The following XPNPEP2 variants were observed in gnomAD, a reference collection of about 807,000 sequenced individuals.
XPNPEP2 encodes the protein X-prolyl aminopeptidase 2.
A neutral mutation model predicts 59.8 loss-of-function variants in XPNPEP2; 64 were observed. The observed-to-expected ratio is 1.07, with a 90% confidence interval of 0.87 to 1.32. XPNPEP2 has a LOEUF of 1.32. Among genes scored for constraint, XPNPEP2 ranks in the 40% most tolerant of loss-of-function variants. XPNPEP2 has a pLI of 0.00. For missense variants in XPNPEP2, 575 were observed against 546.8 expected (o/e 1.05, Z -0.51); for synonymous variants, 235 against 210.0 (o/e 1.12, Z -1.03).
chrX:129,749,564 C>A (rs1381308115), intron 7 of XPNPEP2, among the ~76,000 whole-genome samples: 1 of 113,229 alleles, frequency 8.8e-6, no homozygotes, highest in Non-Finnish European at 1.9e-5. Context: ...ATATCTGAAC[C>A]CAACTAGGAC....
At chrX:129,759,801 G>A (rs948223820) in intron 15 of XPNPEP2, among the ~76,000 whole-genome samples, 1 of 112,561 alleles carries the variant, frequency 8.9e-6, no homozygotes, top group African/African-American at 3.2e-5. Context: ...ACAGTTTAGC[G>A]GCGGAGTCTG....
At chrX:129,764,703 C>A (rs1057288262) in intron 19 of XPNPEP2, among the ~76,000 whole-genome samples, 1 of 109,509 alleles carries the variant, frequency 9.1e-6, no homozygotes, top group Non-Finnish European at 1.9e-5. Context: ...GTGGCTCACA[C>A]CTGTAATCCC....
chrX:129,758,098 G>A (rs897349277), intron 14 of XPNPEP2, among the ~76,000 whole-genome samples: 1 of 111,143 alleles, frequency 9.0e-6, no homozygotes, highest in African/African-American at 3.3e-5. Context: ...TGGGACAAAA[G>A]AAGGGCCGTA....
chrX:129,751,562 GAAAGAAAGAAAGAAAGAAAGA>G (rs1926403031), intron 8 of XPNPEP2, among the ~76,000 whole-genome samples, 162 bp from the exon 9 acceptor site: 1 of 60,930 alleles, frequency 1.6e-5, no homozygotes, highest in African/African-American at 6.9e-5. Flanking sequence ...AAGAAAGAAA[GAAAGAAAGAAAGAAAGAAAGA>G]AAGAAAGAAA....
rs1412003873 is a variant in XPNPEP2, at chrX:129,769,170, C to T, written c.*685C>T. The T allele has an allele frequency of 8.9e-6, 1 of 112,441 alleles. No individual in the cohort carries two copies. Among genetic ancestry groups the T allele is most frequent in the Non-Finnish European group, 1.9e-5 (1 of 53,280 alleles). 9.3% of individuals were successfully genotyped at this position (112,441 alleles called of 1,213,427 possible). Reference sequence around the variant, plus strand: ...TAGACTTCCCTGGCATTCGAGGAGCCCTTTGAACTTTCCAAAGTGCAGCCA... The same window carrying T: ...TAGACTTCCCTGGCATTCGAGGAGCTCTTTGAACTTTCCAAAGTGCAGCCA... On this transcript the variant is annotated 3_prime_UTR_variant, in exon 21 of 21. Transcript: ENST00000371106.
chrX:129,741,912 G>A (rs1277809576), intron 1 of XPNPEP2, among the ~76,000 whole-genome samples, 196 bp from the exon 2 acceptor site: 1 of 112,312 alleles, frequency 8.9e-6, no homozygotes, highest in Non-Finnish European at 1.9e-5. Context: ...AGATTTCTTT[G>A]ATTGTGACCC....
intron 1 of XPNPEP2, among the ~76,000 whole-genome samples, chrX:129,740,522 G>C (rs760593916): frequency 6.3e-5 from 7 of 110,815 alleles, no homozygotes; most frequent in Admixed American, 2.8e-4. Context: ...AGTTCCTCAG[G>C]GGGGGCTGAG....
In XPNPEP2 at chrX:129,762,314, C is replaced by T. The variant is rs757071844; in HGVS notation, c.1663+249C>T. Reference sequence around the variant, plus strand: ...TCCCAGCTGTATATTCAGACGAGATCAGGTGCGTTCAGGGTGGTATGGCCG... The same window carrying T: ...TCCCAGCTGTATATTCAGACGAGATTAGGTGCGTTCAGGGTGGTATGGCCG... On this transcript the variant is annotated intron_variant, in intron 18 of 20. Transcript: ENST00000371106. Among the ~76,000 whole-genome samples, 50 of 111,841 alleles carry T rather than the reference C, an allele frequency of 4.5e-4. No individual in the cohort carries two copies. In the South Asian group the frequency reaches 0.019, roughly 43 times the overall value.
At position 129,751,737 on chromosome X, in the gene XPNPEP2, C is replaced by T. The variant is rs1926422413; in HGVS notation, c.740-8C>T. The T allele has an allele frequency of 8.3e-7, 1 of 1,204,748 alleles. No homozygotes were observed. The highest frequency in any genetic ancestry group is 1.1e-6 in the Non-Finnish European group (1 of 889,669). On this transcript the variant is annotated splice_polypyrimidine_tract_variant and splice_region_variant and intron_variant, in intron 8 of 20. Transcript: ENST00000371106. ...GCATTAAATATTCCTTGTCAATTCT[C>T]TTCCCAGGGCTCTTCAACCTTCGAG...
rs751478432 is a variant in XPNPEP2 at position 129,742,191 on chromosome X, C to T, written c.123+10C>T. The T allele has an allele frequency of 1.3e-5, 14 of 1,072,381 alleles. No homozygotes were observed. The highest frequency in any genetic ancestry group is 2.1e-5 in the African/African-American group (1 of 48,272). 88.4% of individuals were successfully genotyped at this position (1,072,381 alleles called of 1,213,427 possible). ...TTCCACCAACCCCCCTGTGAGTGCC[C>T]CCTGCCCCCCGCGCACGGCCCCCCT... On this transcript the variant is annotated intron_variant, in intron 2 of 20. Transcript: ENST00000371106.
intron 9 of XPNPEP2, 130 bp downstream of exon 9, chrX:129,751,956 C>A: frequency 1.2e-6 from 1 of 817,860 alleles, no homozygotes; most frequent in Non-Finnish European, 1.8e-6. Flanking sequence ...TGCAGCACGA[C>A]CCTTTAGAAA....
In XPNPEP2 at chrX:129,752,215, G is replaced by A. The variant is rs370868069; in HGVS notation, c.887G>A (p.Gly296Asp). The A allele has an allele frequency of 2.5e-6, 3 of 1,210,172 alleles. No individual in the cohort carries two copies. In the African/African-American group the frequency reaches 5.2e-5, roughly 21 times the overall value. Reference protein sequence around the residue: ...TLSYLNSSCTGPMCVQIEDYS... With the variant: ...TLSYLNSSCTDPMCVQIEDYS... ...AGCTATCTGAACTCCAGTTGCACAGGCCCCATGTGTGTGCAAATCGAGGAT... is the reference window on the plus strand; with the variant it reads ...AGCTATCTGAACTCCAGTTGCACAGACCCCATGTGTGTGCAAATCGAGGAT... Residue 296 changes from glycine (G) to aspartate (D), a missense_variant, in exon 10 of 21, where the codon GGC becomes GAC. Coordinates refer to ENST00000371106, the MANE Select transcript of XPNPEP2 (RefSeq NM_003399.6).
intron 15 of XPNPEP2, 39 bp from the exon 16 acceptor site, chrX:129,760,473 C>T (rs1433380357): frequency 8.4e-7 from 1 of 1,187,173 alleles, no homozygotes; most frequent in African/African-American, 1.8e-5. Flanking sequence ...TCTGGCTCCT[C>T]CTCCCGTCCT....
chrX:129,764,712 C>G (rs1757582413), intron 19 of XPNPEP2, among the ~76,000 whole-genome samples: 1 of 110,053 alleles, frequency 9.1e-6, no homozygotes, highest in African/African-American at 3.3e-5. Flanking sequence ...ACCTGTAATC[C>G]CAACACTTTG....
In XPNPEP2 at chrX:129,746,593, A is replaced by C; in HGVS notation, c.404-2A>C. ...CTGCATTGCTTCCTATCTTTCTTTC[A>C]GTTGGCACCACTCCTATTGTCACCT... On this transcript the variant is annotated splice_acceptor_variant, in intron 5 of 20. Coordinates refer to ENST00000371106, the MANE Select transcript of XPNPEP2 (RefSeq NM_003399.6). LOFTEE classifies it high-confidence loss of function. 8.3e-7 allele frequency: 1 copy of C among 1,209,340 alleles called. No homozygotes were observed. The highest frequency in any genetic ancestry group is 1.1e-6 in the Non-Finnish European group (1 of 894,325).
chrX:129,759,371 C>G lies in XPNPEP2; in HGVS notation c.1428+131C>G, dbSNP rs1047093715. On this transcript the variant is annotated intron_variant, in intron 15 of 20. Coordinates refer to ENST00000371106, the MANE Select transcript of XPNPEP2 (RefSeq NM_003399.6). ...AAGTAGTTTGCCCAAGGTGACACCA[C>G]TGGTGCCGGAAAACCCAGTGCTCCC... The G allele has an allele frequency of 1.2e-5, 10 of 805,878 alleles. No individual in the cohort carries two copies. The African/African-American group carries it at 1.6e-4, about 13-fold the overall frequency. 66.4% of individuals were successfully genotyped at this position (805,878 alleles called of 1,213,427 possible).
At chrX:129,745,051 G>A in intron 3 of XPNPEP2, 152 bp from the exon 4 acceptor site, 2 of 578,918 alleles carry the variant, frequency 3.5e-6, no homozygotes, top group Admixed American at 2.8e-5. Flanking sequence ...AGTTACAGAG[G>A]GCTTCCTGGA....
intron 14 of XPNPEP2, 89 bp from the exon 15 acceptor site, chrX:129,759,091 G>A: frequency 1.8e-6 from 2 of 1,092,735 alleles, no homozygotes; most frequent in Non-Finnish European, 2.5e-6. Flanking sequence ...TCCCATCCCA[G>A]CCCTGCCACT....
chrX:129,757,883 G>GAGAGAGAGAGAA (rs1797866879), intron 14 of XPNPEP2, among the ~76,000 whole-genome samples: 2 of 81,231 alleles, frequency 2.5e-5, no homozygotes, highest in African/African-American at 1.1e-4. Flanking sequence ...AAGAGAGAGA[G>GAGAGAGAGAGAA]AGAGAGAGAG....
Sources: allele counts gnomAD v4.1 joint callset (sites outside exome capture counted in the v4.1 genomes callset), GRCh38; gene constraint gnomAD v4.1.1; transcripts MANE v1.5; gene names NCBI Gene and HGNC (gene_info 2026-07-23, HGNC 2026-07-21).